Variants in EPHB1 observed in about 807,000 individuals in gnomAD.
EPHB1 encodes EPH receptor B1.
A neutral mutation model predicts 94.4 loss-of-function variants in EPHB1; 30 were observed. The ratio of observed to expected loss-of-function variants is 0.32; its 90% CI spans 0.24 to 0.43. The LOEUF (loss-of-function observed/expected upper bound fraction) is 0.43, where lower values mean the gene tolerates loss of function less well. EPHB1 is among the 20% of genes least tolerant of loss of function. The probability of loss-of-function intolerance (pLI) is 1.00; values close to 1 mark genes in which losing one functional copy is unlikely to be tolerated. For missense variants in EPHB1, 1,055 were observed against 1,308.3 expected (o/e 0.81, Z 2.99); for synonymous variants, 522 against 489.1 (o/e 1.07, Z -0.89).
intron 5 of EPHB1, among the ~76,000 whole-genome samples, chr3:135,138,379 T>C (rs758910723): frequency 2.0e-5 from 3 of 152,262 alleles, no homozygotes; most frequent in Non-Finnish European, 4.4e-5. Context: ...TTCCTCTGAA[T>C]ACATCACCTA....
chr3:134,910,153 A>C (rs1441373931), intron 1 of EPHB1, among the ~76,000 whole-genome samples: 1 of 152,304 alleles, frequency 6.6e-6, no homozygotes, highest in African/African-American at 2.4e-5. Flanking sequence ...GTGATGTGGA[A>C]GTTATCTAGT....
At chr3:134,868,993 T>G (rs79450052) in intron 1 of EPHB1, among the ~76,000 whole-genome samples, 1 of 152,370 alleles carries the variant, frequency 6.6e-6, no homozygotes, top group African/African-American at 2.4e-5. Context: ...AAATCCTATC[T>G]CTGCCTCTTA....
chr3:134,849,375 G>C (rs895067767), intron 1 of EPHB1, among the ~76,000 whole-genome samples: 9 of 152,222 alleles, frequency 5.9e-5, no homozygotes, highest in African/African-American at 2.2e-4. Context: ...GCAAAGCCAA[G>C]AGGACTTCAT....
At chr3:135,045,493 C>A (rs1936974376) in intron 3 of EPHB1, among the ~76,000 whole-genome samples, 1 of 152,166 alleles carries the variant, frequency 6.6e-6, no homozygotes, top group Non-Finnish European at 1.5e-5. Flanking sequence ...CTAGCCAATT[C>A]TTTTCATGGA....
chr3:135,004,550 G>A (rs1296868458), intron 3 of EPHB1, among the ~76,000 whole-genome samples: 1 of 152,132 alleles, frequency 6.6e-6, no homozygotes, highest in Admixed American at 6.5e-5. Context: ...ATCCTGCAGA[G>A]TGTTTTCCAA....
chr3:135,101,896 G>T (rs1236185357), intron 3 of EPHB1, among the ~76,000 whole-genome samples: 1 of 152,164 alleles, frequency 6.6e-6, no homozygotes, highest in African/African-American at 2.4e-5. Flanking sequence ...GCATAGCACA[G>T]ATCCTGCTGT....
At chr3:135,190,900 G>GCA (rs1942438494) in intron 10 of EPHB1, among the ~76,000 whole-genome samples, 1 of 152,122 alleles carries the variant, frequency 6.6e-6, no homozygotes. Flanking sequence ...AATGAGACTT[G>GCA]GTCTGACCTC....
chr3:135,183,247 TCTTCCTTCCTTCCTTCCTTC>T (rs61228471), intron 10 of EPHB1, among the ~76,000 whole-genome samples: 2 of 91,396 alleles, frequency 2.2e-5, no homozygotes, highest in Admixed American at 1.4e-4. Flanking sequence ...TCCCTCCCTT[TCTTCCTTCCTTCCTTCCTTC>T]CTTCCTTCCT....
intron 10 of EPHB1, among the ~76,000 whole-genome samples, chr3:135,185,889 A>G (rs761001235): frequency 4.6e-5 from 7 of 152,198 alleles, no homozygotes; most frequent in Non-Finnish European, 1.0e-4. Context: ...CCTAGAATTC[A>G]TTATTACTCT....
At chr3:134,885,208 G>C (rs2037837930) in intron 1 of EPHB1, among the ~76,000 whole-genome samples, 1 of 152,244 alleles carries the variant, frequency 6.6e-6, no homozygotes, top group African/African-American at 2.4e-5. Context: ...GGCATTGCAG[G>C]AGAAAGGATT....
chr3:135,039,658 A>G (rs1936768762), intron 3 of EPHB1, among the ~76,000 whole-genome samples: 1 of 152,202 alleles, frequency 6.6e-6, no homozygotes, highest in Admixed American at 6.5e-5. Flanking sequence ...CACCCTCCGC[A>G]GCCACTGGCC....
At chr3:135,076,262 A>ATATATATATATGG (rs1559820194) in intron 3 of EPHB1, among the ~76,000 whole-genome samples, 2 of 68,914 alleles carry the variant, frequency 2.9e-5, no homozygotes, top group South Asian at 9.9e-4. Context: ...TATATATATA[A>ATATATATATATGG]CTCTTAAATG....
chr3:135,099,043 A>G (rs1296585105), intron 3 of EPHB1, among the ~76,000 whole-genome samples: 1 of 149,610 alleles, frequency 6.7e-6, no homozygotes, highest in Admixed American at 6.7e-5. Flanking sequence ...AAAAAAGGGA[A>G]TCCACACTTT....
intron 1 of EPHB1, among the ~76,000 whole-genome samples, chr3:134,880,633 A>C (rs559563327): frequency 2.0e-5 from 3 of 152,220 alleles, no homozygotes; most frequent in Non-Finnish European, 2.9e-5. Context: ...AGAGGCCACA[A>C]GGCCAGACAG....
intron 1 of EPHB1, among the ~76,000 whole-genome samples, chr3:134,867,269 T>C (rs2037399594): frequency 1.3e-5 from 2 of 152,220 alleles, no homozygotes; most frequent in Admixed American, 6.5e-5. Flanking sequence ...TGTGGATGTC[T>C]AAGTTATTCA....
intron 12 of EPHB1, among the ~76,000 whole-genome samples, chr3:135,219,983 A>C (rs1943238565): frequency 6.6e-6 from 1 of 152,224 alleles, no homozygotes; most frequent in South Asian, 2.1e-4. Context: ...TATCCAGGTA[A>C]GGGTAACTAG....
At chr3:134,871,294 G>A (rs143275556) in intron 1 of EPHB1, among the ~76,000 whole-genome samples, 21 of 152,264 alleles carry the variant, frequency 1.4e-4, no homozygotes, top group South Asian at 6.2e-4. Context: ...GTGCCCCTGT[G>A]TCTAGGCAGG....
intron 14 of EPHB1, 94 bp from the exon 15 acceptor site, chr3:135,249,242 G>A: frequency 1.4e-6 from 2 of 1,405,194 alleles, no homozygotes; most frequent in Non-Finnish European, 1.9e-6. Context: ...CATCAGGGAT[G>A]CTGCCTTCCA....
At chr3:134,946,264 T>G (rs1032498685) in intron 2 of EPHB1, among the ~76,000 whole-genome samples, 1 of 152,200 alleles carries the variant, frequency 6.6e-6, no homozygotes, top group Non-Finnish European at 1.5e-5. Flanking sequence ...TCTGATCGCC[T>G]GTGTTTTTTT....
Sources: gnomAD v4.1 joint callset for allele counts (sites outside exome capture counted in the v4.1 genomes callset) on GRCh38, gnomAD v4.1.1 for gene constraint, MANE v1.5 for transcripts, NCBI Gene and HGNC (gene_info 2026-07-23, HGNC 2026-07-21) for gene names.